The following PRKCA variants were observed in gnomAD, a reference collection of about 807,000 sequenced individuals.
PRKCA encodes the protein protein kinase C alpha.
A neutral mutation model predicts 87.0 loss-of-function variants in PRKCA; 27 were observed. The observed-to-expected ratio is 0.31, with a 90% confidence interval of 0.23 to 0.43. PRKCA has a LOEUF of 0.43. PRKCA is among the 20% of genes least tolerant of loss of function. PRKCA has a pLI of 1.00. For missense variants in PRKCA, 518 were observed against 852.3 expected, an observed-to-expected ratio of 0.61 and a Z score of 4.88; for synonymous variants, 329 against 311.1, an observed-to-expected ratio of 1.06 and a Z score of -0.61.
chr17:66,360,163 A>T (rs1279173869), intron 2 of PRKCA, among the ~76,000 whole-genome samples: 1 of 152,212 alleles, frequency 6.6e-6, no homozygotes, highest in Non-Finnish European at 1.5e-5. Flanking sequence ...GATTACCAAG[A>T]CCCTAACTGT....
At chr17:66,737,697 G>A (rs1054647190) in intron 10 of PRKCA, among the ~76,000 whole-genome samples, 4 of 152,190 alleles carry the variant, frequency 2.6e-5, no homozygotes, top group African/African-American at 7.2e-5. Flanking sequence ...CTGGCGGCAC[G>A]TTGAGCTTCC....
At chr17:66,501,625 G>A (rs760234169) in intron 3 of PRKCA, among the ~76,000 whole-genome samples, 1 of 152,180 alleles carries the variant, frequency 6.6e-6, no homozygotes, top group Non-Finnish European at 1.5e-5. Context: ...TTGAATTGGT[G>A]CAGGATTTAT....
intron 5 of PRKCA, among the ~76,000 whole-genome samples, chr17:66,668,235 T>G (rs1034481549): frequency 3.3e-5 from 5 of 152,218 alleles, no homozygotes; most frequent in African/African-American, 1.2e-4. Flanking sequence ...CTCTCATCTT[T>G]CCATACAGTC....
intron 3 of PRKCA, among the ~76,000 whole-genome samples, chr17:66,512,334 C>T (rs1917268458): frequency 6.6e-6 from 1 of 152,112 alleles, no homozygotes; most frequent in South Asian, 2.1e-4. Context: ...CTCAGCTACT[C>T]AGGTGGCTGA....
At chr17:66,334,239 A>G (rs1036433589) in intron 2 of PRKCA, among the ~76,000 whole-genome samples, 1 of 152,124 alleles carries the variant, frequency 6.6e-6, no homozygotes, top group Non-Finnish European at 1.5e-5. Flanking sequence ...AACAGAGTGA[A>G]ACTAGGTCAA....
intron 2 of PRKCA, among the ~76,000 whole-genome samples, chr17:66,350,865 T>C (rs1195836183): frequency 6.6e-6 from 1 of 152,196 alleles, no homozygotes; most frequent in East Asian, 1.9e-4. Flanking sequence ...CCATGAGCAT[T>C]CGTGTGCAAA....
intron 3 of PRKCA, among the ~76,000 whole-genome samples, chr17:66,528,243 AAG>A (rs1555615053): frequency 1.3e-4 from 19 of 143,912 alleles, no homozygotes; most frequent in African/African-American, 4.6e-4. Flanking sequence ...AAAAAAAAAA[AAG>A]ATGCATAATT....
chr17:66,628,485 G>A (rs1239370764), intron 3 of PRKCA, among the ~76,000 whole-genome samples: 2 of 152,144 alleles, frequency 1.3e-5, no homozygotes, highest in East Asian at 3.9e-4. Flanking sequence ...CTACCTATCA[G>A]CCTCTCTCTC....
At chr17:66,400,689 C>T (rs898372748) in intron 2 of PRKCA, among the ~76,000 whole-genome samples, 3 of 152,286 alleles carry the variant, frequency 2.0e-5, no homozygotes, top group South Asian at 2.1e-4. Flanking sequence ...TTTTGAGGGG[C>T]TTCTGTACAA....
At chr17:66,781,887 AGTGTG>A (rs1397504857) in intron 14 of PRKCA, among the ~76,000 whole-genome samples, 3 of 125,544 alleles carry the variant, frequency 2.4e-5, no homozygotes, top group East Asian at 4.5e-4. Flanking sequence ...ATATATATAT[AGTGTG>A]TGTGTGTGTG....
intron 10 of PRKCA, among the ~76,000 whole-genome samples, chr17:66,736,607 C>G (rs1974035322): frequency 6.6e-6 from 1 of 152,162 alleles, no homozygotes; most frequent in Non-Finnish European, 1.5e-5. Context: ...ACCACTGGTT[C>G]CACTGCCAAA....
chr17:66,640,064 A>C (rs1971250009), intron 3 of PRKCA, among the ~76,000 whole-genome samples: 1 of 152,178 alleles, frequency 6.6e-6, no homozygotes, highest in Non-Finnish European at 1.5e-5. Flanking sequence ...GCTTATCTGC[A>C]CTACCTGCGT....
rs990757773 is a variant in PRKCA, at chr17:66,805,207, G to A, written c.*1170G>A. 5.8e-5 allele frequency: 52 copies of A among 898,660 alleles called. No homozygotes were observed. The highest frequency in any genetic ancestry group is 4.1e-4 in the South Asian group (8 of 19,422). The allele number at this position is 898,660 out of a possible 1,614,324, so 55.7% of individuals were successfully genotyped here. A position where few individuals can be genotyped will look rare whatever the true frequency, so the allele number is the denominator to read the frequency against. On this transcript the variant is annotated 3_prime_UTR_variant, in exon 17 of 17. Coordinates refer to ENST00000413366, the MANE Select transcript of PRKCA (RefSeq NM_002737.3). ...CTGGAGCTGTAGAATCAGGAAACCC[G>A]GATGCCTAACAGCTCAAAGATGTTT...
At chr17:66,552,240 G>A (rs942735083) in intron 3 of PRKCA, among the ~76,000 whole-genome samples, 10 of 152,190 alleles carry the variant, frequency 6.6e-5, no homozygotes, top group African/African-American at 2.4e-4. Context: ...AGAGGGTGCA[G>A]TGAGCCATGA....
intron 13 of PRKCA, among the ~76,000 whole-genome samples, chr17:66,767,228 C>G (rs1274938239): frequency 6.6e-6 from 1 of 152,144 alleles, no homozygotes; most frequent in Non-Finnish European, 1.5e-5. Context: ...ACTGTGACTT[C>G]AAGTGAAATG....
At chr17:66,492,940 C>CA (rs1489694141) in intron 2 of PRKCA, among the ~76,000 whole-genome samples, 3 of 152,204 alleles carry the variant, frequency 2.0e-5, no homozygotes, top group Non-Finnish European at 4.4e-5. Flanking sequence ...CAGGTGTGGC[C>CA]AGCGTGCTGG....
At chr17:66,311,003 GC>G (rs922190260) in intron 2 of PRKCA, among the ~76,000 whole-genome samples, 1 of 152,142 alleles carries the variant, frequency 6.6e-6, no homozygotes, top group African/African-American at 2.4e-5. Flanking sequence ...ACCGCTGCTT[GC>G]ACTGTGTGGC....
At chr17:66,602,701 A>G (rs186050168) in intron 3 of PRKCA, among the ~76,000 whole-genome samples, 389 of 152,330 alleles carry the variant, frequency 2.6e-3, no homozygotes, top group African/African-American at 9.0e-3. Context: ...AGATCTGAAC[A>G]TGTAGCAGGC....
At chr17:66,726,759 C>G (rs1973761140) in intron 8 of PRKCA, among the ~76,000 whole-genome samples, 1 of 151,318 alleles carries the variant, frequency 6.6e-6, no homozygotes, top group Non-Finnish European at 1.5e-5. Context: ...GGGTCTCACT[C>G]TATCACCCAG....
Sources: allele counts gnomAD v4.1 joint callset (sites outside exome capture counted in the v4.1 genomes callset), GRCh38; gene constraint gnomAD v4.1.1; transcripts MANE v1.5; gene names NCBI Gene and HGNC (gene_info 2026-07-23, HGNC 2026-07-21).